PSMA8: variants seen among roughly 807,000 people sequenced by gnomAD.
PSMA8 encodes proteasome subunit alpha-type 8.
A neutral mutation model predicts 32.4 loss-of-function variants in PSMA8; 18 were observed. The observed-to-expected ratio is 0.56, with a 90% CI of 0.38 to 0.82. The LOEUF (loss-of-function observed/expected upper bound fraction) is 0.82. Among genes scored for constraint, PSMA8 ranks in the 40% least tolerant of loss-of-function variants. The pLI, the probability that PSMA8 is intolerant of heterozygous loss-of-function variation, is 0.00. For synonymous variants in PSMA8, 104 were observed against 98.1 expected, an observed-to-expected ratio of 1.06 and a Z score of -0.36; for missense variants, 298 against 300.7, an observed-to-expected ratio of 0.99 and a Z score of 0.07.
At chr18:26,188,963 G>A (rs911682526) in intron 6 of PSMA8, among the ~76,000 whole-genome samples, 1 of 152,038 alleles carries the variant, frequency 6.6e-6, no homozygotes, top group Non-Finnish European at 1.5e-5. Flanking sequence ...ACAAACACAG[G>A]CAACCAAAGC....
intron 4 of PSMA8, among the ~76,000 whole-genome samples, chr18:26,158,834 A>T (rs1423513086): frequency 6.6e-6 from 1 of 152,182 alleles, no homozygotes; most frequent in Non-Finnish European, 1.5e-5. Flanking sequence ...TCAGCCAGGC[A>T]CGGTAGTACA....
At chr18:26,145,725 G>A (rs963821634) in intron 2 of PSMA8, among the ~76,000 whole-genome samples, 2 of 152,110 alleles carry the variant, frequency 1.3e-5, no homozygotes, top group African/African-American at 4.8e-5. Context: ...AGTATTCCAT[G>A]GAATAAAGGC....
intron 3 of PSMA8, among the ~76,000 whole-genome samples, chr18:26,153,926 G>A (rs2055066415): frequency 6.6e-6 from 1 of 151,970 alleles, no homozygotes; most frequent in Admixed American, 6.6e-5. Context: ...TTTTGAGACA[G>A]ACTCTTGCTC....
At chr18:26,150,127 G>A (rs75476768) in intron 2 of PSMA8, among the ~76,000 whole-genome samples, 1 of 152,066 alleles carries the variant, frequency 6.6e-6, no homozygotes, top group Non-Finnish European at 1.5e-5. Flanking sequence ...TTCAGATTAG[G>A]GATGCCCAAC....
Position 26,178,347 on chromosome 18 carries a change from C to T in PSMA8, c.478-483C>T, listed in dbSNP as rs947883152. Among the ~76,000 whole-genome samples, 4 of 152,056 alleles carry T rather than the reference C, an allele frequency of 2.6e-5. No homozygotes were observed. In the South Asian group the frequency reaches 6.2e-4, roughly 24 times the overall value. ...AAAGTTGGCCAGATGTTGTGGCTCA[C>T]GCCTGTAATCCCAACACTTTGAGAG... On this transcript the variant is annotated intron_variant, in intron 4 of 6. Transcript: ENST00000415576.
rs1169206394 is a variant in PSMA8, at chr18:26,183,390, TA to T, written c.660+4273del. Among the ~76,000 whole-genome samples, 241 of 141,564 alleles carry T rather than the reference TA, an allele frequency of 1.7e-3. 1 individual carries two copies. The highest frequency in any genetic ancestry group is 3.6e-3 in the Middle Eastern group (1 of 280). 92.9% of individuals were successfully genotyped at this position (141,564 alleles called of 152,430 possible). A position where few individuals can be genotyped will look rare whatever the true frequency, so the allele number is the denominator to read the frequency against. On this transcript the variant is annotated intron_variant, in intron 6 of 6. Transcript: ENST00000415576. The stretch of plus-strand genomic sequence containing the variant: ...CTGGGTGACAGAGCAAGACTCCGTC[TA>T]AAAAAAAAAAAATTAACAAACAAAC...
chr18:26,175,382 T>C (rs991479778), intron 4 of PSMA8, among the ~76,000 whole-genome samples: 5 of 152,184 alleles, frequency 3.3e-5, no homozygotes, highest in African/African-American at 4.8e-5. Flanking sequence ...TTGGGCTGCA[T>C]TGTAGTCGCA....
intron 1 of PSMA8, chr18:26,140,046 A>G (rs1212359408): frequency 1.0e-5 from 7 of 702,960 alleles, no homozygotes; most frequent in South Asian, 5.9e-5. Flanking sequence ...CTTTGGTAGT[A>G]TCATGTTTCT....
intron 3 of PSMA8, among the ~76,000 whole-genome samples, chr18:26,156,985 A>G (rs921887584): frequency 6.6e-6 from 1 of 150,978 alleles, no homozygotes; most frequent in Non-Finnish European, 1.5e-5. Context: ...GGGTTTCCCT[A>G]TGTTGCCCAG....
intron 3 of PSMA8, among the ~76,000 whole-genome samples, chr18:26,154,541 G>A (rs2055071404): frequency 6.6e-6 from 1 of 152,228 alleles, no homozygotes; most frequent in Admixed American, 6.5e-5. Flanking sequence ...CCACCGAGAA[G>A]GCCTGGGGCT....
At chr18:26,134,347 GT>G (rs2054892577) in intron 1 of PSMA8, among the ~76,000 whole-genome samples, 1 of 134,684 alleles carries the variant, frequency 7.4e-6, no homozygotes, top group Non-Finnish European at 1.5e-5. Flanking sequence ...GTGGGTGTGT[GT>G]GTGTGTGTGT....
intron 1 of PSMA8, among the ~76,000 whole-genome samples, chr18:26,138,126 G>C (rs2054927324): frequency 6.6e-6 from 1 of 152,184 alleles, no homozygotes; most frequent in Non-Finnish European, 1.5e-5. Context: ...CTGAATGAGA[G>C]ACCTTGAAGT....
chr18:26,152,913 G>C (rs1194896980), intron 3 of PSMA8, among the ~76,000 whole-genome samples: 1 of 152,154 alleles, frequency 6.6e-6, no homozygotes, highest in Admixed American at 6.5e-5. Flanking sequence ...GCTAGATGTA[G>C]CCTTGTCAGT....
chr18:26,150,500 G>A (rs1269297800), intron 2 of PSMA8, among the ~76,000 whole-genome samples: 1 of 152,080 alleles, frequency 6.6e-6, no homozygotes, highest in African/African-American at 2.4e-5. Flanking sequence ...AGCATGGCCT[G>A]CTAGCTTTTT....
Position 26,192,350 on chromosome 18 carries a change from TA to T in PSMA8, c.694del (p.Thr232LeufsTer3). On this transcript the variant is annotated frameshift_variant, in exon 7 of 7. Transcript: ENST00000415576. LOFTEE classifies it high-confidence loss of function. ...MFSAKEVELY[V>X]TEIEKEKEEA... Reference sequence around the variant, plus strand: ...AGTGCAAAAGAAGTTGAATTATATGTAACTGAAATAGAAAAGGAAAAGGAAG... The same window carrying T: ...AGTGCAAAAGAAGTTGAATTATATGTACTGAAATAGAAAAGGAAAAGGAAG... The T allele has an allele frequency of 6.6e-7, 1 of 1,519,136 alleles. No individual in the cohort carries two copies. Among genetic ancestry groups the T allele is most frequent in the Non-Finnish European group, 8.7e-7 (1 of 1,145,972 alleles). 94.1% of individuals were successfully genotyped at this position (1,519,136 alleles called of 1,614,324 possible). A position where few individuals can be genotyped will look rare whatever the true frequency, so the allele number is the denominator to read the frequency against.
chr18:26,144,194 A>G (rs184153691), intron 1 of PSMA8, among the ~76,000 whole-genome samples: 15 of 152,274 alleles, frequency 9.9e-5, no homozygotes, highest in African/African-American at 3.6e-4. Flanking sequence ...GTGTGATAAA[A>G]TTGGTTTCAT....
rs117569835 is a variant in PSMA8 at position 26,177,430 on chromosome 18, G to T, written c.478-1400G>T. 7.4e-3 allele frequency among the ~76,000 whole-genome samples: 1,125 copies of T among 152,280 alleles called. 11 individuals are homozygous for T. The highest frequency in any genetic ancestry group is 0.014 in the Middle Eastern group (4 of 294). On this transcript the variant is annotated intron_variant, in intron 4 of 6. Coordinates refer to ENST00000415576, the MANE Select transcript of PSMA8 (RefSeq NM_001025096.2). ...TCCATTTCTACATCCAAGAATTGGG[G>T]TTAGTAACAGTACCTATTTAATCAT...
intron 1 of PSMA8, among the ~76,000 whole-genome samples, chr18:26,134,342 T>TGTGG (rs1568050646): frequency 7.6e-6 from 1 of 131,574 alleles, no homozygotes; most frequent in East Asian, 2.0e-4. Flanking sequence ...TGTGTGTGGG[T>TGTGG]GTGTGTGTGT....
At chr18:26,188,340 C>CAAA (rs35512719) in intron 6 of PSMA8, among the ~76,000 whole-genome samples, 4 of 143,698 alleles carry the variant, frequency 2.8e-5, no homozygotes, top group Non-Finnish European at 3.0e-5. Flanking sequence ...AAAAGGACAC[C>CAAA]AAAAAAAAAA....
Sources: allele counts gnomAD v4.1 joint callset (sites outside exome capture counted in the v4.1 genomes callset), GRCh38; gene constraint gnomAD v4.1.1; transcripts MANE v1.5; gene names NCBI Gene and HGNC (gene_info 2026-07-23, HGNC 2026-07-21).